Variants in TMEM51 observed in about 807,000 individuals in gnomAD.
TMEM51 encodes chromosome 1 open reading frame 72.
Under a neutral mutation model 13.6 loss-of-function variants are expected in TMEM51, and 8 were observed. The ratio of observed to expected loss-of-function variants is 0.59; its 90% CI spans 0.35 to 1.07. TMEM51 has a LOEUF of 1.07. Ranked by LOEUF, TMEM51 falls within the 50% of genes least tolerant of loss-of-function variation. The pLI, the probability that TMEM51 is intolerant of heterozygous loss-of-function variation, is 0.02. For missense variants in TMEM51, 279 were observed against 330.7 expected (o/e 0.84, Z 1.21); for synonymous variants, 147 against 144.4 (o/e 1.02, Z -0.13).
At position 15,198,344 on chromosome 1, in the gene TMEM51, C is replaced by T. The variant is rs1181474668; in HGVS notation, c.-266-12146C>T. 2.6e-5 allele frequency among the ~76,000 whole-genome samples: 4 copies of T among 152,132 alleles called. No individual in the cohort carries two copies. In the East Asian group the frequency reaches 5.8e-4, roughly 22 times the overall value. On this transcript the variant is annotated intron_variant, in intron 1 of 3. Coordinates refer to ENST00000376008, the MANE Select transcript of TMEM51 (RefSeq NM_001136218.2). ...CTGCTATCTTTATTCTAGGAAGCCA[C>T]GGAAAGCCGAGCATCAGCTTACTAT...
At chr1:15,174,083 G>A (rs1643381649) in intron 1 of TMEM51, among the ~76,000 whole-genome samples, 1 of 152,132 alleles carries the variant, frequency 6.6e-6, no homozygotes, top group Non-Finnish European at 1.5e-5. Context: ...AGTTCCGCTG[G>A]AAGGAGGTTG....
chr1:15,180,347 G>C (rs549065726), intron 1 of TMEM51, among the ~76,000 whole-genome samples: 17 of 152,362 alleles, frequency 1.1e-4, no homozygotes, highest in African/African-American at 4.1e-4. Context: ...GGCAGATCCT[G>C]GCCATGTGCC....
intron 1 of TMEM51, among the ~76,000 whole-genome samples, chr1:15,174,324 C>T (rs1643388865): frequency 6.6e-6 from 1 of 152,146 alleles, no homozygotes; most frequent in African/African-American, 2.4e-5. Flanking sequence ...CTCACTACAG[C>T]CTCCACCTCC....
intron 1 of TMEM51, among the ~76,000 whole-genome samples, chr1:15,202,678 T>C (rs555408383): frequency 2.0e-5 from 3 of 152,306 alleles, no homozygotes; most frequent in Middle Eastern, 3.4e-3. Flanking sequence ...ACTCATCAAA[T>C]TGGGCCCACC....
At chr1:15,182,494 GCCAACTGGCA>G (rs1643653040) in intron 1 of TMEM51, among the ~76,000 whole-genome samples, 1 of 152,246 alleles carries the variant, frequency 6.6e-6, no homozygotes, top group Non-Finnish European at 1.5e-5. Context: ...TGGGTCTCTC[GCCAACTGGCA>G]GTGTGACCTT....
intron 1 of TMEM51, among the ~76,000 whole-genome samples, chr1:15,166,776 A>G (rs1643014410): frequency 6.6e-6 from 1 of 152,134 alleles, no homozygotes; most frequent in Non-Finnish European, 1.5e-5. Flanking sequence ...ATATGTATGT[A>G]ATTTTCCATT....
At chr1:15,187,141 G>T (rs189399493) in intron 1 of TMEM51, among the ~76,000 whole-genome samples, 1 of 152,078 alleles carries the variant, frequency 6.6e-6, no homozygotes, top group South Asian at 2.1e-4. Flanking sequence ...GGGAGTGTGC[G>T]GCCCCAGGCA....
chr1:15,205,861 T>C (rs572625213), intron 1 of TMEM51, among the ~76,000 whole-genome samples: 3 of 152,276 alleles, frequency 2.0e-5, no homozygotes, highest in Admixed American at 1.3e-4. Flanking sequence ...GTCTGTCTCA[T>C]GTATCTCGGT....
intron 1 of TMEM51, among the ~76,000 whole-genome samples, chr1:15,190,549 A>T (rs997074941): frequency 6.6e-6 from 1 of 152,110 alleles, no homozygotes; most frequent in Non-Finnish European, 1.5e-5. Flanking sequence ...TAAATTATAC[A>T]GGATTGTGCC....
intron 2 of TMEM51, among the ~76,000 whole-genome samples, chr1:15,213,816 G>C (rs6658612): frequency 0.56 from 84,433 of 151,874 alleles, 23,906 homozygotes; most frequent in East Asian, 0.64. Flanking sequence ...CATGTGGCCT[G>C]CATTCATTTC....
At chr1:15,205,919 A>T (rs941832339) in intron 1 of TMEM51, among the ~76,000 whole-genome samples, 2 of 152,086 alleles carry the variant, frequency 1.3e-5, no homozygotes, top group Non-Finnish European at 2.9e-5. Context: ...GAATTGTTTA[A>T]ATCAAAATCT....
chr1:15,171,231 T>C (rs6429722), intron 1 of TMEM51: 1,233,853 of 1,304,016 alleles, frequency 0.95, 583,936 homozygotes, highest in Middle Eastern at 0.99. Context: ...GCCTGGAAGA[T>C]CGCTGTTTGA....
At chr1:15,168,102 A>G (rs890518407) in intron 1 of TMEM51, among the ~76,000 whole-genome samples, 6 of 152,184 alleles carry the variant, frequency 3.9e-5, no homozygotes, top group African/African-American at 1.2e-4. Context: ...ATGCTTTTAG[A>G]TGCTGCTTTT....
chr1:15,194,769 G>C (rs1644012402), intron 1 of TMEM51, among the ~76,000 whole-genome samples: 1 of 151,986 alleles, frequency 6.6e-6, no homozygotes, highest in Non-Finnish European at 1.5e-5. Flanking sequence ...TTCCGTGGAT[G>C]ATATTGCGTT....
chr1:15,167,715 C>T (rs1557833666), intron 1 of TMEM51, among the ~76,000 whole-genome samples: 1 of 152,114 alleles, frequency 6.6e-6, no homozygotes, highest in Non-Finnish European at 1.5e-5. Context: ...CTTCAGTGAC[C>T]TATGTTGAAG....
chr1:15,171,223 C>A, intron 1 of TMEM51: 1 of 1,304,026 alleles, frequency 7.7e-7, no homozygotes, highest in Non-Finnish European at 1.0e-6. Context: ...GGGGCCACGC[C>A]TGGAAGATCG....
At chr1:15,194,147 T>G (rs1230062687) in intron 1 of TMEM51, among the ~76,000 whole-genome samples, 1 of 152,246 alleles carries the variant, frequency 6.6e-6, no homozygotes, top group East Asian at 1.9e-4. Flanking sequence ...GCAGCCACAC[T>G]TTCCAACAGA....
chr1:15,206,486 T>C (rs572665685), intron 1 of TMEM51, among the ~76,000 whole-genome samples: 49 of 152,274 alleles, frequency 3.2e-4, no homozygotes, highest in African/African-American at 1.2e-3. Flanking sequence ...GGAACCCGCA[T>C]AGTGCAGGCA....
intron 1 of TMEM51, among the ~76,000 whole-genome samples, chr1:15,183,899 G>A (rs1361012444): frequency 4.6e-5 from 7 of 152,360 alleles, no homozygotes; most frequent in African/African-American, 1.4e-4. Context: ...CCAGCGAGAA[G>A]GACAGTGGGG....
Sources: allele counts gnomAD v4.1 joint callset (sites outside exome capture counted in the v4.1 genomes callset), GRCh38; gene constraint gnomAD v4.1.1; transcripts MANE v1.5; gene names NCBI Gene and HGNC (gene_info 2026-07-23, HGNC 2026-07-21).